The following RPH3A variants were observed in gnomAD, a reference collection of about 807,000 sequenced individuals.
The protein encoded by RPH3A is rabphilin-3A.
Under a neutral mutation model 102.2 loss-of-function variants are expected in RPH3A, and 48 were observed. The ratio of observed to expected loss-of-function variants is 0.47; its 90% CI spans 0.37 to 0.60. The LOEUF (loss-of-function observed/expected upper bound fraction) is 0.60, where lower values mean the gene tolerates loss of function less well. RPH3A is among the 20% of genes least tolerant of loss of function. The pLI is 0.00. For missense variants in RPH3A, 781 were observed against 910.1 expected (o/e 0.86, Z 1.83); for synonymous variants, 310 against 324.3 (o/e 0.96, Z 0.47).
rs1217851406 is a variant in RPH3A, at chr12:112,895,745, C to T, written c.1858-32C>T. 9 of 1,513,956 alleles carry T rather than the reference C, an allele frequency of 5.9e-6. No homozygotes were observed. The East Asian group carries it at 2.0e-4, about 34-fold the overall frequency. The allele number at this position is 1,513,956 out of a possible 1,614,324, so 93.8% of individuals were successfully genotyped here. On this transcript the variant is annotated intron_variant, in intron 20 of 21. Coordinates refer to ENST00000389385, the MANE Select transcript of RPH3A (RefSeq NM_001143854.2). ...CCCAATGCTGTGGGTTCAGAGGGCTCTTACCCACATGTCTTCCTCTGTTGT... is the reference window on the plus strand; with the variant it reads ...CCCAATGCTGTGGGTTCAGAGGGCTTTTACCCACATGTCTTCCTCTGTTGT...
intron 1 of RPH3A, among the ~76,000 whole-genome samples, chr12:112,684,760 C>T (rs1314801480): frequency 6.6e-6 from 1 of 152,136 alleles, no homozygotes; most frequent in Non-Finnish European, 1.5e-5. Flanking sequence ...GTGTCTCAGT[C>T]CATTCAGGCT....
At chr12:112,678,282 A>G (rs1254814896) in intron 1 of RPH3A, among the ~76,000 whole-genome samples, 1 of 82,126 alleles carries the variant, frequency 1.2e-5, no homozygotes, top group African/African-American at 8.1e-5. Context: ...AGAAAGAAAG[A>G]AAGAAAGAAA....
chr12:112,895,695 A>T, intron 20 of RPH3A, 82 bp from the exon 21 acceptor site: 1 of 923,092 alleles, frequency 1.1e-6, no homozygotes, highest in Non-Finnish European at 1.8e-6. Flanking sequence ...TTGGCCCATA[A>T]CCCCTAGGAC....
At chr12:112,580,894 G>C (rs1286586768) in intron 1 of RPH3A, among the ~76,000 whole-genome samples, 1 of 152,176 alleles carries the variant, frequency 6.6e-6, no homozygotes, top group Non-Finnish European at 1.5e-5. Flanking sequence ...TTATAGAAGA[G>C]TGTTTTCCTG....
intron 4 of RPH3A, among the ~76,000 whole-genome samples, chr12:112,843,830 A>G (rs1593071875): frequency 6.6e-6 from 1 of 152,178 alleles, no homozygotes; most frequent in African/African-American, 2.4e-5. Flanking sequence ...GTCCATTTCC[A>G]TGAAAACTGG....
intron 1 of RPH3A, among the ~76,000 whole-genome samples, chr12:112,685,841 T>C (rs1195941892): frequency 6.6e-6 from 1 of 152,202 alleles, no homozygotes; most frequent in Non-Finnish European, 1.5e-5. Flanking sequence ...CTCTCCATAC[T>C]TAGAATAAGA....
chr12:112,814,804 G>A (rs1593033944), intron 2 of RPH3A, among the ~76,000 whole-genome samples: 1 of 152,268 alleles, frequency 6.6e-6, no homozygotes, highest in East Asian at 1.9e-4. Flanking sequence ...CCTGAAGACT[G>A]GTGCTGTTCA....
At chr12:112,600,382 C>T (rs1458430717) in intron 1 of RPH3A, among the ~76,000 whole-genome samples, 1 of 152,150 alleles carries the variant, frequency 6.6e-6, no homozygotes, top group Non-Finnish European at 1.5e-5. Flanking sequence ...GAGCTCACTG[C>T]CTGCCCTAAG....
chr12:112,798,851 TTCTC>T (rs2041285960), intron 2 of RPH3A, among the ~76,000 whole-genome samples: 1 of 151,880 alleles, frequency 6.6e-6, no homozygotes, highest in African/African-American at 2.4e-5. Flanking sequence ...CTCTCTCCCT[TTCTC>T]TCTCCTCTGC....
chr12:112,704,606 C>A (rs979412630), intron 1 of RPH3A, among the ~76,000 whole-genome samples: 8 of 152,220 alleles, frequency 5.3e-5, no homozygotes, highest in Non-Finnish European at 1.2e-4. Flanking sequence ...CTACCATCAT[C>A]TCTTTCTTCC....
intron 2 of RPH3A, among the ~76,000 whole-genome samples, chr12:112,815,055 G>C (rs11066424): frequency 0.03 from 4,493 of 152,212 alleles, 233 homozygotes; most frequent in African/African-American, 0.1. Context: ...CCTGACAAAA[G>C]CTATGACCTT....
chr12:112,810,393 C>T (rs1043115617), intron 2 of RPH3A, among the ~76,000 whole-genome samples: 5 of 152,174 alleles, frequency 3.3e-5, no homozygotes, highest in Non-Finnish European at 5.9e-5. Flanking sequence ...GCATGCTCTG[C>T]GGATGCCGGA....
intron 5 of RPH3A, among the ~76,000 whole-genome samples, chr12:112,862,974 G>A (rs1337609995): frequency 6.6e-6 from 1 of 152,230 alleles, no homozygotes; most frequent in Non-Finnish European, 1.5e-5. Flanking sequence ...TCCATGGAGG[G>A]GTGGGTGGGG....
rs932006738 is a variant in RPH3A, at chr12:112,814,143, G to A, written c.-18-14158G>A. ...TGGGGATGTGAGTGTGTGTATGTGC[G>A]TGTGTTTGCAGCAAGGTGAGAAGAT... On this transcript the variant is annotated intron_variant, in intron 2 of 21. Transcript: ENST00000389385. Among the ~76,000 whole-genome samples the A allele has an allele frequency of 5.3e-5, 8 of 151,936 alleles. No homozygotes were observed. In the South Asian group the frequency reaches 1.5e-3, roughly 28 times the overall value.
intron 1 of RPH3A, among the ~76,000 whole-genome samples, chr12:112,685,888 G>A (rs1009355530): frequency 6.6e-6 from 1 of 152,230 alleles, no homozygotes; most frequent in Non-Finnish European, 1.5e-5. Flanking sequence ...GGCAGATTTT[G>A]TGTTGGGTAT....
rs186900712 is a variant in RPH3A, at chr12:112,848,046, A to C, written c.230+204A>C. Among the ~76,000 whole-genome samples the C allele has an allele frequency of 9.6e-3, 1,454 of 152,116 alleles. 28 individuals carry two copies. The highest frequency in any genetic ancestry group is 0.033 in the African/African-American group (1,371 of 41,494). The stretch of plus-strand genomic sequence containing the variant: ...TGTTGCATGAGTTGGGAGAGCTAGG[A>C]GAAGAGAAAAGGGACTAGAGGAGAG... On this transcript the variant is annotated intron_variant, in intron 5 of 21. Coordinates refer to ENST00000389385, the MANE Select transcript of RPH3A (RefSeq NM_001143854.2).
At chr12:112,709,803 G>T (rs537851175) in intron 1 of RPH3A, among the ~76,000 whole-genome samples, 2 of 152,074 alleles carry the variant, frequency 1.3e-5, no homozygotes. Context: ...AAGCATGAAG[G>T]TTCATTTAAT....
intron 1 of RPH3A, among the ~76,000 whole-genome samples, chr12:112,735,303 A>G (rs1242229392): frequency 4.6e-5 from 7 of 152,230 alleles, no homozygotes; most frequent in Non-Finnish European, 1.0e-4. Context: ...GGGACCCTAA[A>G]GCACTTTGCA....
intron 16 of RPH3A, among the ~76,000 whole-genome samples, chr12:112,885,658 T>TACA (rs2042991229): frequency 6.6e-6 from 1 of 152,250 alleles, no homozygotes. Context: ...GATAATTTGA[T>TACA]ACAGGTATAC....
Sources: gnomAD v4.1 joint callset for allele counts (sites outside exome capture counted in the v4.1 genomes callset) on GRCh38, gnomAD v4.1.1 for gene constraint, MANE v1.5 for transcripts, NCBI Gene and HGNC (gene_info 2026-07-23, HGNC 2026-07-21) for gene names.